Variants in UBE2N observed in about 807,000 individuals in gnomAD.
The protein encoded by UBE2N is ubiquitin conjugating enzyme E2 N.
For missense variants in UBE2N, 60 were observed against 192.1 expected (o/e 0.31, Z 4.07); for synonymous variants, 70 against 69.2 (o/e 1.01, Z -0.06).
At chr12:93,420,031 C>T (rs1878357532) in intron 1 of UBE2N, among the ~76,000 whole-genome samples, 1 of 152,184 alleles carries the variant, frequency 6.6e-6, no homozygotes, top group East Asian at 1.9e-4. Context: ...ACACACCCCT[C>T]CCTTGTTCTT....
intron 1 of UBE2N, among the ~76,000 whole-genome samples, chr12:93,430,453 A>G (rs973395951): frequency 5.9e-5 from 9 of 152,152 alleles, no homozygotes; most frequent in African/African-American, 2.2e-4. Context: ...CAGAACCACA[A>G]AATTCCTCAA....
At chr12:93,427,899 T>A (rs1217949308) in intron 1 of UBE2N, among the ~76,000 whole-genome samples, 1 of 152,196 alleles carries the variant, frequency 6.6e-6, no homozygotes, top group South Asian at 2.1e-4. Context: ...GTATATAACA[T>A]ATTCACAGCA....
intron 1 of UBE2N, among the ~76,000 whole-genome samples, chr12:93,416,245 C>G (rs201134737): frequency 6.6e-6 from 1 of 152,270 alleles, no homozygotes; most frequent in East Asian, 1.9e-4. Context: ...CTGAAAAAGT[C>G]TCAACCACAG....
At chr12:93,429,413 G>T (rs1330206035) in intron 1 of UBE2N, 3 of 341,052 alleles carry the variant, frequency 8.8e-6, no homozygotes, top group Non-Finnish European at 1.7e-5. Flanking sequence ...TTTAAATACA[G>T]TCATGCGCTG....
In UBE2N at chr12:93,407,649, AC is replaced by A. The variant is rs1406304096; in HGVS notation, c.*2389del. On this transcript the variant is annotated 3_prime_UTR_variant, in exon 4 of 4. Coordinates refer to ENST00000318066, the MANE Select transcript of UBE2N (RefSeq NM_003348.4). ...CAGATCTTCAGATCATTCAAAAGTT[AC>A]CCGAATTCTGGATTTTCATGCAAAT... 1 of 152,176 alleles carries A rather than the reference AC, an allele frequency of 6.6e-6. No individual in the cohort carries two copies. 9.4% of individuals were successfully genotyped at this position (152,176 alleles called of 1,614,324 possible).
chr12:93,436,038 T>G (rs1592751630), intron 1 of UBE2N, among the ~76,000 whole-genome samples: 2 of 152,296 alleles, frequency 1.3e-5, no homozygotes, highest in East Asian at 3.9e-4. Flanking sequence ...TTTAATCAAA[T>G]AAGTCAACCC....
chr12:93,433,592 GATATA>G (rs1398296205), intron 1 of UBE2N, among the ~76,000 whole-genome samples: 1 of 152,042 alleles, frequency 6.6e-6, no homozygotes, highest in East Asian at 1.9e-4. Context: ...TCTTTTCCTT[GATATA>G]ATATTATTAC....
intron 1 of UBE2N, among the ~76,000 whole-genome samples, chr12:93,426,172 C>A (rs1446079500): frequency 6.6e-6 from 1 of 152,146 alleles, no homozygotes; most frequent in African/African-American, 2.4e-5. Flanking sequence ...CCAGACAACT[C>A]AGATTTTAAT....
At chr12:93,435,803 G>A (rs939584109) in intron 1 of UBE2N, among the ~76,000 whole-genome samples, 2 of 152,184 alleles carry the variant, frequency 1.3e-5, no homozygotes, top group African/African-American at 2.4e-5. Context: ...GACTGTATCT[G>A]ATTTTTAAGA....
rs558608061 is a variant in UBE2N, at chr12:93,433,652, C to A, written c.30+8203G>T. Among the ~76,000 whole-genome samples the A allele has an allele frequency of 8.6e-4, 131 of 152,292 alleles. 3 individuals carry two copies. The South Asian group carries it at 0.027, about 31-fold the overall frequency. ...TTTATTTTGTTTTTAGAAAGCAGCACTGTATAAGATACGAATTTGGCACCT... is the reference window on the plus strand; with the variant it reads ...TTTATTTTGTTTTTAGAAAGCAGCAATGTATAAGATACGAATTTGGCACCT... On this transcript the variant is annotated intron_variant, in intron 1 of 3. Coordinates refer to ENST00000318066, the MANE Select transcript of UBE2N (RefSeq NM_003348.4).
chr12:93,406,787 CTT>C lies in UBE2N; in HGVS notation c.*3250_*3251del, dbSNP rs1877844685. ...ATACAACATCATTTTATTCCAGAGA[CTT>C]GAGCATCTGCGAATTTGGATATCCA... On this transcript the variant is annotated 3_prime_UTR_variant, in exon 4 of 4. Coordinates refer to ENST00000318066, the MANE Select transcript of UBE2N (RefSeq NM_003348.4). The C allele has an allele frequency of 6.6e-6, 1 of 152,148 alleles. No homozygotes were observed. The highest frequency in any genetic ancestry group is 2.4e-5 in the African/African-American group (1 of 41,430). The allele number at this position is 152,148 out of a possible 1,614,324, so 9.4% of individuals were successfully genotyped here.
At chr12:93,411,838 T>G (rs1406121765) in intron 1 of UBE2N, among the ~76,000 whole-genome samples, 2 of 151,990 alleles carry the variant, frequency 1.3e-5, no homozygotes, top group East Asian at 1.9e-4. Context: ...GGATTACAGG[T>G]GTGCGCCACC....
At position 93,408,623 on chromosome 12, in the gene UBE2N, G is replaced by A. The variant is rs962581386; in HGVS notation, c.*1416C>T. 6.6e-6 allele frequency: 1 copy of A among 152,192 alleles called. No individual in the cohort carries two copies. Among genetic ancestry groups the A allele is most frequent in the Non-Finnish European group, 1.5e-5 (1 of 68,040 alleles). 9.4% of individuals were successfully genotyped at this position (152,192 alleles called of 1,614,324 possible). A position where few individuals can be genotyped will look rare whatever the true frequency, so the allele number is the denominator to read the frequency against. On this transcript the variant is annotated 3_prime_UTR_variant, in exon 4 of 4. Transcript: ENST00000318066. ...AGGAATTAGATATGGAGAGAGGTGG[G>A]AAAGAACAGTTTTGTGAGGGGAGGA...
At chr12:93,432,917 G>C (rs1409975315) in intron 1 of UBE2N, among the ~76,000 whole-genome samples, 1 of 144,432 alleles carries the variant, frequency 6.9e-6, no homozygotes, top group Non-Finnish European at 1.5e-5. Flanking sequence ...AGAAATTTTA[G>C]AATAGCTTCA....
intron 1 of UBE2N, among the ~76,000 whole-genome samples, chr12:93,428,111 G>A (rs1220509038): frequency 1.3e-5 from 2 of 151,936 alleles, no homozygotes; most frequent in Non-Finnish European, 2.9e-5. Flanking sequence ...GTAGACATGG[G>A]GCTTCTTCAT....
intron 1 of UBE2N, among the ~76,000 whole-genome samples, chr12:93,441,455 C>T (rs1292538894): frequency 1.3e-5 from 2 of 152,158 alleles, no homozygotes; most frequent in African/African-American, 4.8e-5. Context: ...GGGCCACAAT[C>T]CCCACCAGGC....
chr12:93,410,054 G>A lies in UBE2N; in HGVS notation c.444C>T (p.Ala148=), dbSNP rs753263959. The A allele has an allele frequency of 6.2e-7, 1 of 1,613,314 alleles. No individual in the cohort carries two copies. The highest frequency in any genetic ancestry group is 8.5e-7 in the Non-Finnish European group (1 of 1,179,674). The change falls in exon 4 of 4, where the codon GCC becomes GCT. Residue 148 remains alanine, a synonymous_variant. Transcript: ENST00000318066. ...TCGTATCAATTTAAATATTATTCATGGCATATAGCCTAGTCCATGCTCTAG... is the reference window on the plus strand; with the variant it reads ...TCGTATCAATTTAAATATTATTCATAGCATATAGCCTAGTCCATGCTCTAG... ...ETARAWTRLY[A]MNNI
rs979433389 is a variant in UBE2N at position 93,406,710 on chromosome 12, A to G, written c.*3329T>C. 3 of 152,224 alleles carry G rather than the reference A, an allele frequency of 2.0e-5. No homozygotes were observed. The highest frequency in any genetic ancestry group is 4.4e-5 in the Non-Finnish European group (3 of 68,050). The allele number at this position is 152,224 out of a possible 1,614,324, so 9.4% of individuals were successfully genotyped here. A position where few individuals can be genotyped will look rare whatever the true frequency, so the allele number is the denominator to read the frequency against. ...GCACTTACATTATAATAGGTATTATAAGTAATCTAAATATTAACATAAGCG... is the reference window on the plus strand; with the variant it reads ...GCACTTACATTATAATAGGTATTATGAGTAATCTAAATATTAACATAAGCG... On this transcript the variant is annotated 3_prime_UTR_variant, in exon 4 of 4. Transcript: ENST00000318066.
intron 1 of UBE2N, chr12:93,429,306 A>T (rs1878684380): frequency 4.8e-6 from 2 of 420,770 alleles, no homozygotes; most frequent in Non-Finnish European, 9.2e-6. Context: ...CACAAAACTC[A>T]ACTTGATATA....
Sources: gnomAD v4.1 joint callset for allele counts (sites outside exome capture counted in the v4.1 genomes callset) on GRCh38, gnomAD v4.1.1 for gene constraint, MANE v1.5 for transcripts, NCBI Gene and HGNC (gene_info 2026-07-23, HGNC 2026-07-21) for gene names.